TEX2: variants seen among roughly 807,000 people sequenced by gnomAD.
TEX2 encodes testis-expressed protein 2.
In TEX2, 53 loss-of-function variants were observed where a neutral mutation model predicts 106.9. The ratio of observed to expected loss-of-function variants is 0.50; its 90% CI spans 0.40 to 0.62. The LOEUF is 0.62. Among genes scored for constraint, TEX2 ranks in the 20% least tolerant of loss-of-function variants. The pLI is 0.00. For synonymous variants in TEX2, 523 were observed against 534.8 expected (o/e 0.98, Z 0.30); for missense variants, 1,207 against 1,379.0 (o/e 0.88, Z 1.98).
At chr17:64,155,625 T>G (rs1448358506) in intron 8 of TEX2, 1 of 152,066 alleles carries the variant, frequency 6.6e-6, no homozygotes, top group African/African-American at 2.4e-5. Flanking sequence ...GCAACTGACA[T>G]GAGAACCCAG....
intron 11 of TEX2, chr17:64,150,429 T>G (rs2030293286): frequency 6.5e-6 from 1 of 152,726 alleles, no homozygotes; most frequent in African/African-American, 2.4e-5. Context: ...CAGGAATGTT[T>G]GTTGAACTGA....
At chr17:64,165,401 C>T (rs1357020336) in intron 7 of TEX2, among the ~76,000 whole-genome samples, 1 of 152,320 alleles carries the variant, frequency 6.6e-6, no homozygotes, top group South Asian at 2.1e-4. Flanking sequence ...GTCCCCCACC[C>T]GACCCATGTT....
chr17:64,203,513 T>C (rs2143973478), intron 2 of TEX2, among the ~76,000 whole-genome samples: 1 of 152,324 alleles, frequency 6.6e-6, no homozygotes, highest in East Asian at 1.9e-4. Context: ...ATTAATGGTT[T>C]AGGACCAGCA....
intron 1 of TEX2, among the ~76,000 whole-genome samples, chr17:64,241,613 C>T (rs76167196): frequency 0.023 from 3,447 of 152,214 alleles, 45 homozygotes; most frequent in Non-Finnish European, 0.033. Flanking sequence ...GCCTCCTCAT[C>T]CCTTATTATC....
rs1333747594 is a variant in TEX2 at position 64,152,973 on chromosome 17, T to C, written c.3112A>G (p.Ile1038Val). ...ACTCGGTCAGTCGGGGGTGGTGGAA[T>C]GTTGACCGCCAAGGTTCCTCTACAT... ...QECRGTLAVN[I>V]PPPPTDRVWY... The change falls in exon 10 of 12, where the codon ATT becomes GTT. Residue 1038 changes from isoleucine to valine, a missense_variant. Ile to Val is a conservative substitution (Grantham distance 29, BLOSUM62 3). Transcript: ENST00000584379. The C allele has an allele frequency of 1.2e-6, 2 of 1,614,056 alleles. No homozygotes were observed. Among genetic ancestry groups the C allele is most frequent in the African/African-American group, 1.3e-5 (1 of 74,916 alleles).
At chr17:64,194,370 T>C (rs2032396746) in intron 3 of TEX2, among the ~76,000 whole-genome samples, 1 of 152,194 alleles carries the variant, frequency 6.6e-6, no homozygotes, top group Non-Finnish European at 1.5e-5. Context: ...CTAAAGATCA[T>C]TCAGATGAAC....
At chr17:64,224,340 G>A (rs1314865909) in intron 1 of TEX2, among the ~76,000 whole-genome samples, 1 of 152,142 alleles carries the variant, frequency 6.6e-6, no homozygotes, top group African/African-American at 2.4e-5. Flanking sequence ...AACCAACCAC[G>A]GCAGGAAGGT....
chr17:64,250,310 G>A (rs1403284981), intron 1 of TEX2, among the ~76,000 whole-genome samples: 2 of 152,192 alleles, frequency 1.3e-5, no homozygotes, highest in Non-Finnish European at 2.9e-5. Flanking sequence ...TAGAAGGTAG[G>A]AAATGCTCAG....
rs562450859 is a variant in TEX2 at position 64,147,873 on chromosome 17, A to T, written c.*1096T>A. 3.3e-5 allele frequency: 5 copies of T among 152,722 alleles called. No homozygotes were observed. The East Asian group carries it at 9.6e-4, about 29-fold the overall frequency. The allele number at this position is 152,722 out of a possible 1,614,324, so 9.5% of individuals were successfully genotyped here. A position where few individuals can be genotyped will look rare whatever the true frequency, so the allele number is the denominator to read the frequency against. On this transcript the variant is annotated 3_prime_UTR_variant, in exon 12 of 12. Transcript: ENST00000584379. ...GACGTTGAATGCAGCTTTAAACAAT[A>T]AAAAAATGGTATTAGGTTTACTTCT...
At chr17:64,202,760 A>T (rs140747248) in intron 2 of TEX2, among the ~76,000 whole-genome samples, 90 of 152,344 alleles carry the variant, frequency 5.9e-4, no homozygotes, top group African/African-American at 2.0e-3. Flanking sequence ...CCATTTCAAC[A>T]GCTCAACCGA....
In TEX2 at chr17:64,174,593, G is replaced by A. The variant is rs191864502; in HGVS notation, c.2571+2732C>T. 8.1e-3 allele frequency among the ~76,000 whole-genome samples: 1,231 copies of A among 152,244 alleles called. 6 individuals carry two copies. Among genetic ancestry groups the A allele is most frequent in the Non-Finnish European group, 0.01 (706 of 68,010 alleles). ...TAAACTGTTTTCTTCCCACCCAAAG[G>A]GTACCACAGTGAGACAGAAATCCAG... On this transcript the variant is annotated intron_variant, in intron 6 of 11. Coordinates refer to ENST00000584379, the MANE Select transcript of TEX2 (RefSeq NM_001288732.2).
chr17:64,218,431 T>C (rs1555632901), intron 1 of TEX2, among the ~76,000 whole-genome samples: 1 of 99,318 alleles, frequency 1.0e-5, no homozygotes, highest in African/African-American at 3.3e-5. Flanking sequence ...TTTTTTTTTT[T>C]TTTTAAAGAC....
At chr17:64,179,637 C>T (rs1373480807) in intron 5 of TEX2, among the ~76,000 whole-genome samples, 1 of 152,138 alleles carries the variant, frequency 6.6e-6, no homozygotes, top group Non-Finnish European at 1.5e-5. Context: ...CAGCCTGTGC[C>T]CTCTCTTGCT....
At chr17:64,190,915 C>T (rs1261635734) in intron 4 of TEX2, among the ~76,000 whole-genome samples, 2 of 152,178 alleles carry the variant, frequency 1.3e-5, no homozygotes, top group East Asian at 1.9e-4. Flanking sequence ...GGCAGGTCGT[C>T]GAGCAGGAAG....
At chr17:64,189,393 G>A (rs563977818) in intron 4 of TEX2, among the ~76,000 whole-genome samples, 1 of 152,300 alleles carries the variant, frequency 6.6e-6, no homozygotes, top group Non-Finnish European at 1.5e-5. Flanking sequence ...TCCTGGCCCA[G>A]GTGGGGAAGA....
At chr17:64,194,822 T>G (rs75483619) in intron 3 of TEX2, 73 bp downstream of exon 3, 14 of 1,430,754 alleles carry the variant, frequency 9.8e-6, no homozygotes, top group Non-Finnish European at 3.0e-6. Context: ...TATAAAAAAA[T>G]GCAGTTAAGC....
At chr17:64,162,754 C>G (rs1057320386) in intron 7 of TEX2, among the ~76,000 whole-genome samples, 1 of 152,180 alleles carries the variant, frequency 6.6e-6, no homozygotes, top group Non-Finnish European at 1.5e-5. Flanking sequence ...GCTTGTGTTT[C>G]ACTGGAAGTT....
chr17:64,206,899 G>A (rs543219087), intron 2 of TEX2, among the ~76,000 whole-genome samples: 3 of 152,224 alleles, frequency 2.0e-5, no homozygotes, highest in African/African-American at 4.8e-5. Flanking sequence ...TACAGCTGCT[G>A]ATCAAATGGG....
intron 1 of TEX2, among the ~76,000 whole-genome samples, chr17:64,262,809 C>T (rs2034317979): frequency 6.6e-6 from 1 of 152,212 alleles, no homozygotes; most frequent in Admixed American, 6.5e-5. Flanking sequence ...GGCAGGAACC[C>T]GGGGCCCCAT....
Sources: allele counts gnomAD v4.1 joint callset (sites outside exome capture counted in the v4.1 genomes callset), GRCh38; gene constraint gnomAD v4.1.1; transcripts MANE v1.5; gene names NCBI Gene and HGNC (gene_info 2026-07-23, HGNC 2026-07-21).